Variants in HAPLN1 observed in about 807,000 individuals in gnomAD.
HAPLN1 encodes the protein hyaluronan and proteoglycan link protein 1, also known as Cartilage link protein.
HAPLN1 carries 13 observed loss-of-function variants against 36.5 expected under a neutral mutation model. The ratio of observed to expected loss-of-function variants is 0.36; its 90% CI spans 0.23 to 0.57. The LOEUF (loss-of-function observed/expected upper bound fraction) is 0.57, where lower values mean the gene tolerates loss of function less well. Ranked by LOEUF, HAPLN1 falls within the 20% of genes least tolerant of loss-of-function variation. The probability of loss-of-function intolerance (pLI) is 0.83; values close to 1 mark genes in which losing one functional copy is unlikely to be tolerated. For synonymous variants in HAPLN1, 202 were observed against 169.8 expected (o/e 1.19, Z -1.48); for missense variants, 407 against 439.7 (o/e 0.93, Z 0.66).
chr5:83,684,836 A>G (rs991856447), intron 1 of HAPLN1, among the ~76,000 whole-genome samples: 2 of 152,182 alleles, frequency 1.3e-5, no homozygotes, highest in African/African-American at 2.4e-5. Context: ...TACATACCTC[A>G]TAAGAAGATA....
intron 1 of HAPLN1, among the ~76,000 whole-genome samples, chr5:83,684,526 G>A (rs910683402): frequency 1.3e-5 from 2 of 152,058 alleles, no homozygotes; most frequent in African/African-American, 4.8e-5. Flanking sequence ...ATATAGAAAC[G>A]GTTTCAGAAA....
At chr5:83,694,833 A>C (rs1415318079) in intron 1 of HAPLN1, among the ~76,000 whole-genome samples, 1 of 152,150 alleles carries the variant, frequency 6.6e-6, no homozygotes. Context: ...ATTTCACCAA[A>C]CATTTAAAGA....
Position 83,644,553 on chromosome 5 carries a change from G to A in HAPLN1, c.585C>T (p.Tyr195=), listed in dbSNP as rs1336329350. 1.1e-5 allele frequency: 17 copies of A among 1,602,642 alleles called. No individual in the cohort carries two copies. The highest frequency in any genetic ancestry group is 1.7e-4 in the Middle Eastern group (1 of 6,008). ...DAVIASFDQL[Y]DAWRGGLDWC... is the part of the protein sequence containing the mutation. ...AGTCCAGCCCGCCCCGCCAGGCGTC[G>A]TACAGCTGGTCGAAGGAGGCGATCA... The change falls in exon 4 of 5, where the codon TAC becomes TAT. Residue 195 remains tyrosine (Y), a synonymous_variant. Coordinates refer to ENST00000274341, the MANE Select transcript of HAPLN1 (RefSeq NM_001884.4).
intron 1 of HAPLN1, among the ~76,000 whole-genome samples, chr5:83,698,302 G>A (rs1035121345): frequency 3.6e-4 from 26 of 73,162 alleles, no homozygotes; most frequent in African/African-American, 1.5e-3. Context: ...TCCATTGTAT[G>A]TTATTTTTTT....
chr5:83,697,281 G>A, intron 1 of HAPLN1, among the ~76,000 whole-genome samples: 1 of 152,074 alleles, frequency 6.6e-6, no homozygotes. Flanking sequence ...GATGTAAATT[G>A]AATCATATAA....
chr5:83,711,769 T>TA (rs1751789935), intron 1 of HAPLN1, among the ~76,000 whole-genome samples: 1 of 152,144 alleles, frequency 6.6e-6, no homozygotes, highest in South Asian at 2.1e-4. Flanking sequence ...CTGGTTTGAC[T>TA]AACACATTTT....
chr5:83,674,347 T>C (rs1750811914), intron 1 of HAPLN1: 3 of 152,214 alleles, frequency 2.0e-5, no homozygotes, highest in Non-Finnish European at 4.4e-5. Context: ...CCAGGGCAAT[T>C]AGGCAAATGA....
chr5:83,719,321 G>A (rs7735476), intron 1 of HAPLN1, among the ~76,000 whole-genome samples: 1 of 152,084 alleles, frequency 6.6e-6, no homozygotes, highest in Non-Finnish European at 1.5e-5. Context: ...CTCCTGTAGA[G>A]CAGTGGTCTG....
chr5:83,645,148 T>C (rs1263396105), intron 3 of HAPLN1, among the ~76,000 whole-genome samples: 5 of 152,146 alleles, frequency 3.3e-5, no homozygotes, highest in South Asian at 2.1e-4. Context: ...GAGGTACTTA[T>C]CAAAATTCAC....
Position 83,657,933 on chromosome 5 carries a change from TA to T in HAPLN1, c.101-5110del, listed in dbSNP as rs542701133. 2.2e-3 allele frequency among the ~76,000 whole-genome samples: 339 copies of T among 152,296 alleles called. 1 individual carries two copies. The highest frequency in any genetic ancestry group is 0.017 in the Middle Eastern group (5 of 294). The stretch of plus-strand genomic sequence containing the variant: ...TGTCCATTGTGGTAAAATATATATT[TA>T]AAAAATTGCTATTTTAACCATGTTT... On this transcript the variant is annotated intron_variant, in intron 2 of 4. Transcript: ENST00000274341.
intron 2 of HAPLN1, among the ~76,000 whole-genome samples, chr5:83,666,548 T>A (rs1750555484): frequency 6.6e-6 from 1 of 152,150 alleles, no homozygotes; most frequent in Non-Finnish European, 1.5e-5. Context: ...TAGAACTGTA[T>A]TGTTTTAATA....
At chr5:83,672,918 T>C (rs531383857) in intron 2 of HAPLN1, among the ~76,000 whole-genome samples, 1 of 152,308 alleles carries the variant, frequency 6.6e-6, no homozygotes, top group South Asian at 2.1e-4. Flanking sequence ...TGAACAGAAA[T>C]GTGCAGGGGC....
chr5:83,683,761 G>C (rs1751057363), intron 1 of HAPLN1, among the ~76,000 whole-genome samples: 1 of 152,168 alleles, frequency 6.6e-6, no homozygotes. Context: ...ATCACTCTCA[G>C]AGGTTAGTAA....
In HAPLN1 at chr5:83,666,469, C is replaced by A. The variant is rs112822226; in HGVS notation, c.100+6955G>T. Among the ~76,000 whole-genome samples the A allele has an allele frequency of 5.1e-3, 779 of 152,148 alleles. 9 individuals are homozygous for A. The highest frequency in any genetic ancestry group is 0.018 in the African/African-American group (732 of 41,538). ...AAGGATAAAACAGAGAAAACAATGT[C>A]TGTTTAGTATGGATTTGTTACTACC... On this transcript the variant is annotated intron_variant, in intron 2 of 4. Coordinates refer to ENST00000274341, the MANE Select transcript of HAPLN1 (RefSeq NM_001884.4).
chr5:83,644,475 C>T lies in HAPLN1; in HGVS notation c.663G>A (p.Lys221=). ...SDGSVQYPIT[K]PREPCGGQNT... Reference sequence around the variant, plus strand: ...TCTGCCCCCCACAGGGCTCTCTGGGCTTTGTGATGGGATATTGCACAGAGC... The same window carrying T: ...TCTGCCCCCCACAGGGCTCTCTGGGTTTTGTGATGGGATATTGCACAGAGC... Residue 221 remains lysine, a synonymous_variant, in exon 4 of 5, where the codon AAG becomes AAA. Coordinates refer to ENST00000274341, the MANE Select transcript of HAPLN1 (RefSeq NM_001884.4). 1 of 1,613,308 alleles carries T rather than the reference C, an allele frequency of 6.2e-7. No homozygotes were observed. The highest frequency in any genetic ancestry group is 8.5e-7 in the Non-Finnish European group (1 of 1,179,642).
intron 1 of HAPLN1, among the ~76,000 whole-genome samples, chr5:83,707,777 T>C (rs1751685198): frequency 6.6e-6 from 1 of 152,142 alleles, no homozygotes; most frequent in Non-Finnish European, 1.5e-5. Flanking sequence ...CAAAATAAAC[T>C]GTGAACAGAG....
chr5:83,675,918 G>A (rs1750849455), intron 1 of HAPLN1, among the ~76,000 whole-genome samples: 1 of 152,106 alleles, frequency 6.6e-6, no homozygotes, highest in Non-Finnish European at 1.5e-5. Flanking sequence ...TTGCCTTCAA[G>A]CAAATTTAAT....
chr5:83,707,361 G>C (rs1206485284), intron 1 of HAPLN1, among the ~76,000 whole-genome samples: 1 of 152,106 alleles, frequency 6.6e-6, no homozygotes, highest in African/African-American at 2.4e-5. Context: ...AACCAAAACA[G>C]CATAGTATTG....
intron 1 of HAPLN1, among the ~76,000 whole-genome samples, chr5:83,684,981 T>G (rs1751087010): frequency 2.0e-5 from 3 of 152,148 alleles, no homozygotes; most frequent in Admixed American, 1.3e-4. Flanking sequence ...ATATAAAGAT[T>G]TCAAAATACA....
Sources: gnomAD v4.1 joint callset for allele counts (sites outside exome capture counted in the v4.1 genomes callset) on GRCh38, gnomAD v4.1.1 for gene constraint, MANE v1.5 for transcripts, NCBI Gene and HGNC (gene_info 2026-07-23, HGNC 2026-07-21) for gene names.